The following NXPH2 variants were observed in gnomAD, a reference collection of about 807,000 sequenced individuals.
NXPH2 encodes neurexophilin-2.
Under a neutral mutation model 19.8 loss-of-function variants are expected in NXPH2, and 5 were observed. That is an observed-to-expected ratio of 0.25 (90% CI 0.13 to 0.53). NXPH2 has a LOEUF of 0.53. NXPH2 is among the 20% of genes least tolerant of loss of function. The pLI is 0.96. For synonymous variants in NXPH2, 154 were observed against 127.4 expected, an observed-to-expected ratio of 1.21 and a Z score of -1.41; for missense variants, 289 against 322.8, an observed-to-expected ratio of 0.90 and a Z score of 0.80.
intron 1 of NXPH2, among the ~76,000 whole-genome samples, chr2:138,732,783 C>T (rs1380794416): frequency 6.6e-6 from 1 of 152,102 alleles, no homozygotes; most frequent in Non-Finnish European, 1.5e-5. Context: ...TAACACTGTA[C>T]CTCTTCCTGG....
chr2:138,729,996 G>A (rs966834692), intron 1 of NXPH2, among the ~76,000 whole-genome samples: 3 of 152,098 alleles, frequency 2.0e-5, no homozygotes, highest in Non-Finnish European at 4.4e-5. Flanking sequence ...CAACGTGTCA[G>A]TAAGTTTGGT....
chr2:138,736,543 T>C (rs1159447143), intron 1 of NXPH2, among the ~76,000 whole-genome samples: 2 of 152,156 alleles, frequency 1.3e-5, no homozygotes, highest in Non-Finnish European at 2.9e-5. Flanking sequence ...GAAACCATTT[T>C]TTCCTCCCAG....
intron 1 of NXPH2, among the ~76,000 whole-genome samples, chr2:138,699,499 C>CT (rs1680885552): frequency 6.6e-6 from 1 of 152,060 alleles, no homozygotes. Context: ...TTCCCTCTGG[C>CT]TTCCTGTGCT....
intron 1 of NXPH2, among the ~76,000 whole-genome samples, chr2:138,734,274 C>T (rs1246323929): frequency 2.0e-5 from 3 of 152,122 alleles, no homozygotes; most frequent in Admixed American, 2.0e-4. Context: ...TTCGAGGTGG[C>T]TGTAAAGGGC....
intron 1 of NXPH2, among the ~76,000 whole-genome samples, chr2:138,683,030 A>G (rs887005991): frequency 1.3e-5 from 2 of 152,232 alleles, no homozygotes; most frequent in Non-Finnish European, 2.9e-5. Flanking sequence ...TTAACAAATT[A>G]TGAACGGGCT....
intron 1 of NXPH2, among the ~76,000 whole-genome samples, chr2:138,730,051 T>G (rs1681423051): frequency 6.6e-6 from 1 of 152,154 alleles, no homozygotes; most frequent in African/African-American, 2.4e-5. Context: ...GCCATCTTTT[T>G]GCCGTGTCCT....
intron 1 of NXPH2, among the ~76,000 whole-genome samples, chr2:138,773,643 C>A (rs1308066110): frequency 6.6e-6 from 1 of 151,980 alleles, no homozygotes; most frequent in Non-Finnish European, 1.5e-5. Flanking sequence ...AATAAATATA[C>A]CTGCTATATA....
chr2:138,717,255 C>T (rs968255845), intron 1 of NXPH2, among the ~76,000 whole-genome samples: 2 of 152,106 alleles, frequency 1.3e-5, no homozygotes, highest in African/African-American at 4.8e-5. Context: ...CCTGTAGCAA[C>T]ATTCCTATGG....
At chr2:138,680,590 T>C (rs553121664) in intron 1 of NXPH2, among the ~76,000 whole-genome samples, 51 of 152,316 alleles carry the variant, frequency 3.3e-4, no homozygotes, top group African/African-American at 1.2e-3. Flanking sequence ...AGGTCCCATC[T>C]CTTGTTCTCT....
intron 1 of NXPH2, among the ~76,000 whole-genome samples, chr2:138,692,018 G>T (rs1680753860): frequency 6.6e-6 from 1 of 152,178 alleles, no homozygotes; most frequent in African/African-American, 2.4e-5. Flanking sequence ...TCTATGAAGT[G>T]AGGTGATAGC....
intron 1 of NXPH2, among the ~76,000 whole-genome samples, chr2:138,688,330 C>T (rs187518446): frequency 1.3e-3 from 200 of 152,232 alleles, no homozygotes; most frequent in African/African-American, 4.6e-3. Flanking sequence ...ATTACAGGCA[C>T]GTGCCACCAC....
chr2:138,708,871 T>C (rs1225598516), intron 1 of NXPH2, among the ~76,000 whole-genome samples: 3 of 152,202 alleles, frequency 2.0e-5, no homozygotes, highest in African/African-American at 7.2e-5. Flanking sequence ...ATTCACTCTC[T>C]CCATGTTGAC....
intron 1 of NXPH2, among the ~76,000 whole-genome samples, chr2:138,764,389 G>A (rs1009154331): frequency 1.4e-4 from 22 of 152,190 alleles, no homozygotes; most frequent in African/African-American, 5.3e-4. Flanking sequence ...TAAATGTTCT[G>A]AAAATGCTTT....
intron 1 of NXPH2, among the ~76,000 whole-genome samples, chr2:138,755,516 A>G (rs1407139890): frequency 6.6e-6 from 1 of 152,000 alleles, no homozygotes; most frequent in African/African-American, 2.4e-5. Flanking sequence ...TCTTTTTTGC[A>G]CCATTGATCT....
intron 1 of NXPH2, 137 bp from the exon 2 acceptor site, chr2:138,671,802 G>A: frequency 3.6e-6 from 3 of 840,144 alleles, no homozygotes; most frequent in Middle Eastern, 2.9e-4. Flanking sequence ...CACACAGCCG[G>A]GCTCAACAGT....
At chr2:138,676,411 A>G (rs1256412256) in intron 1 of NXPH2, among the ~76,000 whole-genome samples, 6 of 152,166 alleles carry the variant, frequency 3.9e-5, no homozygotes, top group Non-Finnish European at 1.5e-5. Context: ...CCCAGTCCAC[A>G]TGCTCAACAT....
intron 1 of NXPH2, among the ~76,000 whole-genome samples, chr2:138,684,006 A>G (rs1217505417): frequency 6.6e-6 from 1 of 152,198 alleles, no homozygotes; most frequent in East Asian, 1.9e-4. Flanking sequence ...CTATCAACTG[A>G]AAATATAAAT....
chr2:138,735,806 T>G (rs1681529593), intron 1 of NXPH2, among the ~76,000 whole-genome samples: 1 of 152,174 alleles, frequency 6.6e-6, no homozygotes, highest in African/African-American at 2.4e-5. Context: ...CTTAGTTACT[T>G]CCTAGATACA....
At chr2:138,673,420 G>A (rs771821876) in intron 1 of NXPH2, among the ~76,000 whole-genome samples, 1 of 152,076 alleles carries the variant, frequency 6.6e-6, no homozygotes, top group African/African-American at 2.4e-5. Context: ...GGGGGTACAC[G>A]TGAGTATTTG....
Sources: gnomAD v4.1 joint callset for allele counts (sites outside exome capture counted in the v4.1 genomes callset) on GRCh38, gnomAD v4.1.1 for gene constraint, MANE v1.5 for transcripts, NCBI Gene and HGNC (gene_info 2026-07-23, HGNC 2026-07-21) for gene names.